UBA2: variants seen among roughly 807,000 people sequenced by gnomAD.
UBA2 encodes ubiquitin like modifier activating enzyme 2.
In UBA2, 11 loss-of-function variants were observed where a neutral mutation model predicts 77.2. That is an observed-to-expected ratio of 0.14 (90% confidence interval 0.09 to 0.24). The LOEUF (loss-of-function observed/expected upper bound fraction) is 0.24, where lower values mean the gene tolerates loss of function less well. Among genes scored for constraint, UBA2 ranks in the 10% least tolerant of loss-of-function variants. UBA2 has a pLI of 1.00. For synonymous variants in UBA2, 278 were observed against 276.7 expected (o/e 1.00, Z -0.05); for missense variants, 487 against 781.7 (o/e 0.62, Z 4.50).
intron 12 of UBA2, among the ~76,000 whole-genome samples, chr19:34,455,678 C>G (rs1013821811): frequency 6.6e-6 from 1 of 152,178 alleles, no homozygotes; most frequent in African/African-American, 2.4e-5. Flanking sequence ...GAGTCTAGCT[C>G]TGTTGCCCAG....
At chr19:34,465,395 T>C (rs1473500308) in intron 15 of UBA2, among the ~76,000 whole-genome samples, 2 of 152,162 alleles carry the variant, frequency 1.3e-5, no homozygotes, top group East Asian at 3.9e-4. Context: ...TCCCAGCACT[T>C]TGGGAGGCTG....
At chr19:34,445,333 A>G (rs1298635686) in intron 8 of UBA2, among the ~76,000 whole-genome samples, 1 of 152,178 alleles carries the variant, frequency 6.6e-6, no homozygotes, top group Non-Finnish European at 1.5e-5. Flanking sequence ...TAACATCTAA[A>G]TAGGAGGTAA....
In UBA2 at chr19:34,458,838, C is replaced by T. The variant is rs754360341; in HGVS notation, c.1315C>T (p.Pro439Ser). Residue 439 changes from proline (P) to serine (S), a missense_variant, in exon 13 of 17, where the codon CCC becomes TCC. Around this residue, in one of 9 missense-constraint regions of UBA2, gnomAD observed 300 missense variants for 454.3 expected, o/e 0.66. Coordinates refer to ENST00000246548, the MANE Select transcript of UBA2 (RefSeq NM_005499.3). Reference sequence around the variant, plus strand: ...GCCTTGTGCACTGGATCCTCCCAACCCCAATTGTTATGTATGTGCCAGCAA... The same window carrying T: ...GCCTTGTGCACTGGATCCTCCCAACTCCAATTGTTATGTATGTGCCAGCAA... ...LVPCALDPPN[P>S]NCYVCASKPE... 5.0e-6 allele frequency: 8 copies of T among 1,613,984 alleles called. No homozygotes were observed. The African/African-American group carries it at 9.3e-5, about 19-fold the overall frequency.
chr19:34,470,599 T>C lies in UBA2; in HGVS notation c.*1378T>C, dbSNP rs2075726895. On this transcript the variant is annotated 3_prime_UTR_variant, in exon 17 of 17. Coordinates refer to ENST00000246548, the MANE Select transcript of UBA2 (RefSeq NM_005499.3). The stretch of plus-strand genomic sequence containing the variant: ...GTGCAGTGGCGCGATCCTGGCTCAC[T>C]GCAGCCTCCGCCTTCCAGGTGCAAG... 6.6e-6 allele frequency: 1 copy of C among 152,278 alleles called. No individual in the cohort carries two copies. The highest frequency in any genetic ancestry group is 6.5e-5 in the Admixed American group (1 of 15,280). 9.4% of individuals were successfully genotyped at this position (152,278 alleles called of 1,614,324 possible).
intron 2 of UBA2, 87 bp downstream of exon 2, chr19:34,430,746 A>G (rs1414322505): frequency 2.0e-6 from 2 of 977,292 alleles, no homozygotes; most frequent in Admixed American, 1.9e-5. Context: ...TATAGGAGGG[A>G]AAAAATGGGT....
intron 4 of UBA2, 119 bp from the exon 5 acceptor site, chr19:34,434,749 C>G (rs2075291029): frequency 1.4e-6 from 1 of 721,928 alleles, no homozygotes; most frequent in Non-Finnish European, 2.4e-6. Flanking sequence ...CTGGCCATAG[C>G]TATAAGAAAA....
In UBA2 at chr19:34,438,629, T is replaced by C. The variant is rs750487163; in HGVS notation, c.460-16T>C. ...GCCATCATGGAGTAAATTTTTCTCATATCCTGACTTCATAGGGTGTGACCG... is the reference window on the plus strand; with the variant it reads ...GCCATCATGGAGTAAATTTTTCTCACATCCTGACTTCATAGGGTGTGACCG... On this transcript the variant is annotated splice_polypyrimidine_tract_variant and intron_variant, in intron 5 of 16. Coordinates refer to ENST00000246548, the MANE Select transcript of UBA2 (RefSeq NM_005499.3). 2 of 1,612,420 alleles carry C rather than the reference T, an allele frequency of 1.2e-6. No individual in the cohort carries two copies. Among genetic ancestry groups the C allele is most frequent in the East Asian group, 4.5e-5 (2 of 44,874 alleles).
intron 12 of UBA2, among the ~76,000 whole-genome samples, chr19:34,457,179 A>AAAAATATATATATATATATATAT (rs1262007864): frequency 2.1e-4 from 11 of 53,218 alleles, no homozygotes; most frequent in Non-Finnish European, 3.3e-4. Flanking sequence ...AAAAAAAAAA[A>AAAAATATATATATATATATATAT]ATATATATAT....
At chr19:34,448,003 A>T (rs2075450098) in intron 8 of UBA2, among the ~76,000 whole-genome samples, 2 of 152,182 alleles carry the variant, frequency 1.3e-5, no homozygotes, top group African/African-American at 4.8e-5. Flanking sequence ...GAAAAAGATG[A>T]CTGGAGAGAG....
At chr19:34,467,215 C>A (rs950548255) in intron 16 of UBA2, 1 of 583,098 alleles carries the variant, frequency 1.7e-6, no homozygotes, top group African/African-American at 1.9e-5. Flanking sequence ...CACCTGTAAT[C>A]CCAGCACTTT....
chr19:34,455,876 A>G (rs2145549477), intron 12 of UBA2, among the ~76,000 whole-genome samples: 1 of 151,840 alleles, frequency 6.6e-6, no homozygotes, highest in East Asian at 2.0e-4. Context: ...TCCTGACCTC[A>G]TGATCCGCCC....
chr19:34,455,969 G>T (rs1045254503), intron 12 of UBA2, among the ~76,000 whole-genome samples: 7 of 151,560 alleles, frequency 4.6e-5, no homozygotes, highest in Admixed American at 2.6e-4. Context: ...AACTGATGGG[G>T]TCTTGCTATG....
chr19:34,449,272 G>C (rs919933601), intron 8 of UBA2, among the ~76,000 whole-genome samples: 5 of 152,002 alleles, frequency 3.3e-5, no homozygotes, highest in African/African-American at 1.2e-4. Flanking sequence ...GTTTCACCAT[G>C]TTGGCCAGGA....
intron 1 of UBA2, chr19:34,428,930 T>G: frequency 2.0e-6 from 2 of 993,224 alleles, no homozygotes; most frequent in Non-Finnish European, 2.4e-6. Flanking sequence ...CCCTCGCGGA[T>G]GTTGTGACTT....
Position 34,428,536 on chromosome 19 carries a change from A to G in UBA2, c.104A>G (p.Asn35Ser). The G allele has an allele frequency of 7.7e-7, 1 of 1,306,450 alleles. No homozygotes were observed. Among genetic ancestry groups the G allele is most frequent in the Non-Finnish European group, 9.8e-7 (1 of 1,019,374 alleles). The allele number at this position is 1,306,450 out of a possible 1,614,324, so 80.9% of individuals were successfully genotyped here. ...AGGIGCELLK[N>S]LVLTGFSHID... ...GGCATCGGCTGCGAGCTCCTCAAGA[A>G]TCTCGTGCTCACCGGTTTCTCCCAC... The change falls in exon 1 of 17, where the codon AAT (asparagine) becomes AGT (serine). Residue 35 changes from asparagine to serine, a missense_variant. Physicochemically the swap from Asn to Ser is conservative, Grantham distance 46. Around this residue, in one of 9 missense-constraint regions of UBA2, gnomAD observed 19 missense variants for 17.7 expected, o/e 1.07. Transcript: ENST00000246548.
chr19:34,444,863 T>G (rs1345162141), intron 7 of UBA2, 137 bp from the exon 8 acceptor site: 1 of 866,526 alleles, frequency 1.2e-6, no homozygotes, highest in African/African-American at 1.7e-5. Context: ...ATGTGTTATT[T>G]TCTTATTCCT....
At position 34,460,498 on chromosome 19, in the gene UBA2, C is replaced by T. The variant is rs2145560893; in HGVS notation, c.1430C>T (p.Ala477Val). The change falls in exon 14 of 17, where the codon GCA becomes GTA. Residue 477 changes from alanine to valine, a missense_variant. Physicochemically the swap from Ala to Val is moderately conservative, Grantham distance 64. This residue lies in a region of UBA2 where 300 missense variants were observed against 454.3 expected (regional missense o/e 0.66). Transcript: ENST00000246548. ...KIVKEKFAMV[A>V]PDVQIEDGKG... Reference sequence around the variant, plus strand: ...GTGAAAGAAAAATTTGCTATGGTAGCACCAGATGTCCAAATTGAAGATGGG... The same window carrying T: ...GTGAAAGAAAAATTTGCTATGGTAGTACCAGATGTCCAAATTGAAGATGGG... The T allele has an allele frequency of 6.2e-7, 1 of 1,605,814 alleles. No individual in the cohort carries two copies. Among genetic ancestry groups the T allele is most frequent in the Middle Eastern group, 1.7e-4 (1 of 5,862 alleles).
At position 34,470,480 on chromosome 19, in the gene UBA2, C is replaced by T. The variant is rs2075726318; in HGVS notation, c.*1259C>T. On this transcript the variant is annotated 3_prime_UTR_variant, in exon 17 of 17. Coordinates refer to ENST00000246548, the MANE Select transcript of UBA2 (RefSeq NM_005499.3). ...CCTGGGTAACATAGCAAGACCCTGT[C>T]TCTAAAAAATAAGTAAATAAAATAA... 6.6e-6 allele frequency: 1 copy of T among 152,154 alleles called. No individual in the cohort carries two copies. Among genetic ancestry groups the T allele is most frequent in the Non-Finnish European group, 1.5e-5 (1 of 68,030 alleles). The allele number at this position is 152,154 out of a possible 1,614,324, so 9.4% of individuals were successfully genotyped here. A position where few individuals can be genotyped will look rare whatever the true frequency, so the allele number is the denominator to read the frequency against.
chr19:34,460,512 A>G lies in UBA2; in HGVS notation c.1444A>G (p.Ile482Val). 6.2e-7 allele frequency: 1 copy of G among 1,611,802 alleles called. No individual in the cohort carries two copies. The highest frequency in any genetic ancestry group is 8.5e-7 in the Non-Finnish European group (1 of 1,179,098). ...TGCTATGGTAGCACCAGATGTCCAA[A>G]TTGAAGATGGGAAAGGAACAATCCT... ...KFAMVAPDVQ[I>V]EDGKGTILIS... is the part of the protein sequence containing the mutation. The change falls in exon 14 of 17, where the codon ATT becomes GTT. Residue 482 changes from isoleucine to valine, a missense_variant. By Grantham distance (29) the Ile-to-Val change is conservative (BLOSUM62 3). Transcript: ENST00000246548.
Sources: gnomAD v4.1 joint callset for allele counts (sites outside exome capture counted in the v4.1 genomes callset) on GRCh38, gnomAD v4.1.1 for gene constraint, gnomAD v4.1.1 regional missense constraint, MANE v1.5 for transcripts, NCBI Gene and HGNC (gene_info 2026-07-23, HGNC 2026-07-21) for gene names.